Variants in CLVS1 observed in about 807,000 individuals in gnomAD.
CLVS1 encodes the protein clavesin-1.
CLVS1 carries 10 observed loss-of-function variants against 33.1 expected under a neutral mutation model. The ratio of observed to expected loss-of-function variants is 0.30; its 90% CI spans 0.19 to 0.51. The LOEUF is 0.51. Among genes scored for constraint, CLVS1 ranks in the 20% least tolerant of loss-of-function variants. CLVS1 has a pLI of 0.97. For synonymous variants in CLVS1, 163 were observed against 166.1 expected, an observed-to-expected ratio of 0.98 and a Z score of 0.14; for missense variants, 343 against 433.4, an observed-to-expected ratio of 0.79 and a Z score of 1.85.
At chr8:61,171,731 A>T (rs1807004787) in intron 2 of CLVS1, among the ~76,000 whole-genome samples, 1 of 152,240 alleles carries the variant, frequency 6.6e-6, no homozygotes, top group Non-Finnish European at 1.5e-5. Context: ...AGAGCTATAC[A>T]TCTTTAATTT....
At chr8:61,220,149 G>T (rs1014989040) in intron 2 of CLVS1, among the ~76,000 whole-genome samples, 2 of 152,146 alleles carry the variant, frequency 1.3e-5, no homozygotes, top group Non-Finnish European at 2.9e-5. Flanking sequence ...CTGTGCAGAA[G>T]CTCTTTAGTT....
At chr8:61,141,211 C>T (rs77119040) in intron 2 of CLVS1, among the ~76,000 whole-genome samples, 18,351 of 152,166 alleles carry the variant, frequency 0.12, 1,480 homozygotes, top group East Asian at 0.43. Flanking sequence ...TCATCCTCTT[C>T]CTGCTTCTCC....
intron 3 of CLVS1, among the ~76,000 whole-genome samples, chr8:61,452,075 C>T (rs1436228588): frequency 6.6e-6 from 1 of 152,172 alleles, no homozygotes; most frequent in African/African-American, 2.4e-5. Context: ...CCCATGCCTT[C>T]AATCTGGCAG....
intron 2 of CLVS1, among the ~76,000 whole-genome samples, chr8:61,313,122 G>A (rs1465826365): frequency 6.6e-6 from 1 of 152,078 alleles, no homozygotes; most frequent in Non-Finnish European, 1.5e-5. Context: ...CTTATAATGT[G>A]GGGAAAATGG....
chr8:61,112,219 C>CACACACAT (rs1190645372), intron 1 of CLVS1, among the ~76,000 whole-genome samples: 2 of 133,974 alleles, frequency 1.5e-5, no homozygotes, highest in Non-Finnish European at 1.6e-5. Flanking sequence ...CACACACACA[C>CACACACAT]GCACAGAGAC....
chr8:61,253,896 G>A (rs1189542608), intron 2 of CLVS1, among the ~76,000 whole-genome samples: 1 of 151,964 alleles, frequency 6.6e-6, no homozygotes, highest in Non-Finnish European at 1.5e-5. Flanking sequence ...TAGTTTGATT[G>A]TCTGAAGCCT....
chr8:61,140,504 ACCCAAAG>A (rs1382593893), intron 2 of CLVS1, among the ~76,000 whole-genome samples: 1 of 151,654 alleles, frequency 6.6e-6, no homozygotes, highest in Non-Finnish European at 1.5e-5. Context: ...TAGTTGGAGA[ACCCAAAG>A]CATATTTAGG....
chr8:61,375,546 G>A (rs1265853096), intron 2 of CLVS1, among the ~76,000 whole-genome samples: 2 of 152,072 alleles, frequency 1.3e-5, no homozygotes, highest in Non-Finnish European at 2.9e-5. Flanking sequence ...CCACCGCCTG[G>A]CCCTGGCTTA....
intron 2 of CLVS1, among the ~76,000 whole-genome samples, chr8:61,207,199 A>C (rs551524528): frequency 5.2e-5 from 8 of 152,384 alleles, no homozygotes; most frequent in African/African-American, 1.9e-4. Context: ...GGGAATCTGA[A>C]GACTCAACAG....
chr8:61,016,157 T>C, the CLVS1 span, among the ~76,000 whole-genome samples: 1 of 152,240 alleles, frequency 6.6e-6, no homozygotes, highest in Non-Finnish European at 1.5e-5. Flanking sequence ...GTGTATAAGA[T>C]GTATATGAAC....
the CLVS1 span, among the ~76,000 whole-genome samples, chr8:61,024,687 CT>C: frequency 6.6e-6 from 1 of 152,146 alleles, no homozygotes; most frequent in South Asian, 2.1e-4. Context: ...TTAGTATGGT[CT>C]TTTTTTGCTT....
intron 3 of CLVS1, among the ~76,000 whole-genome samples, chr8:61,416,769 G>A (rs530341539): frequency 6.6e-6 from 1 of 152,324 alleles, no homozygotes; most frequent in South Asian, 2.1e-4. Flanking sequence ...CTTCCTTGAT[G>A]CAGTTGCCAG....
chr8:61,467,314 G>C (rs1259139306), intron 5 of CLVS1, among the ~76,000 whole-genome samples: 1 of 152,170 alleles, frequency 6.6e-6, no homozygotes, highest in Non-Finnish European at 1.5e-5. Context: ...ATTGTTCTCA[G>C]ACGCGTCCTT....
intron 2 of CLVS1, among the ~76,000 whole-genome samples, chr8:61,188,567 C>T (rs893861960): frequency 1.1e-4 from 16 of 151,950 alleles, no homozygotes. Flanking sequence ...ATTTGAAGGC[C>T]ATCTGCAGGA....
At position 61,442,498 on chromosome 8, in the gene CLVS1, G is replaced by A. The variant is rs562438844; in HGVS notation, c.631-11643G>A. The stretch of plus-strand genomic sequence containing the variant: ...GGTCATATGGTCATTGTATGTTTTG[G>A]TTTTTAGAAAACTGCCATATTATCT... On this transcript the variant is annotated intron_variant, in intron 3 of 5. Transcript: ENST00000325897. Among the ~76,000 whole-genome samples the A allele has an allele frequency of 4.6e-5, 7 of 152,252 alleles. No individual in the cohort carries two copies. In the South Asian group the frequency reaches 1.0e-3, roughly 23 times the overall value.
At chr8:61,330,107 A>G (rs1182649669) in intron 2 of CLVS1, among the ~76,000 whole-genome samples, 2 of 152,132 alleles carry the variant, frequency 1.3e-5, no homozygotes, top group Admixed American at 6.5e-5. Context: ...TTCCCTGCCC[A>G]GATGATCCCA....
chr8:61,429,290 C>T (rs955523742), intron 3 of CLVS1, among the ~76,000 whole-genome samples: 8 of 151,894 alleles, frequency 5.3e-5, no homozygotes, highest in Non-Finnish European at 1.0e-4. Context: ...CGTGGTTGCT[C>T]ATGCCTGTAA....
chr8:61,432,349 C>A (rs1816146699), intron 3 of CLVS1, among the ~76,000 whole-genome samples: 1 of 152,172 alleles, frequency 6.6e-6, no homozygotes, highest in Non-Finnish European at 1.5e-5. Flanking sequence ...AAGCCCTAAC[C>A]TTCAGTACCT....
chr8:61,449,103 A>T (rs1252702902), intron 3 of CLVS1, among the ~76,000 whole-genome samples: 1 of 151,968 alleles, frequency 6.6e-6, no homozygotes, highest in Non-Finnish European at 1.5e-5. Flanking sequence ...TACCAAGTAG[A>T]GGTAGAAGTC....
Sources: allele counts gnomAD v4.1 joint callset (sites outside exome capture counted in the v4.1 genomes callset), GRCh38; gene constraint gnomAD v4.1.1; transcripts MANE v1.5; gene names NCBI Gene and HGNC (gene_info 2026-07-23, HGNC 2026-07-21).